NXPH1: variants seen among roughly 807,000 people sequenced by gnomAD.
NXPH1 encodes the protein neurexophilin 1.
Under a neutral mutation model 23.7 loss-of-function variants are expected in NXPH1, and 5 were observed. The observed-to-expected ratio is 0.21, with a 90% CI of 0.11 to 0.44. The LOEUF (loss-of-function observed/expected upper bound fraction) is 0.44, where lower values mean the gene tolerates loss of function less well. NXPH1 is among the 20% of genes least tolerant of loss of function. The pLI, the probability that NXPH1 is intolerant of heterozygous loss-of-function variation, is 0.99. For missense variants in NXPH1, 324 were observed against 321.6 expected (o/e 1.01, Z -0.06); for synonymous variants, 144 against 122.2 (o/e 1.18, Z -1.18).
intron 2 of NXPH1, among the ~76,000 whole-genome samples, chr7:8,508,186 C>T (rs959962740): frequency 1.3e-5 from 2 of 152,072 alleles, no homozygotes; most frequent in African/African-American, 4.8e-5. Context: ...TTAGTTGTCT[C>T]TTTACCTGTG....
At chr7:8,669,795 AC>A (rs1271687265) in intron 2 of NXPH1, among the ~76,000 whole-genome samples, 1 of 152,152 alleles carries the variant, frequency 6.6e-6, no homozygotes, top group East Asian at 1.9e-4. Context: ...TGGGTAATGT[AC>A]AACTGTCCTT....
At chr7:8,693,048 C>T (rs968786667) in intron 2 of NXPH1, among the ~76,000 whole-genome samples, 6 of 151,974 alleles carry the variant, frequency 3.9e-5, no homozygotes, top group African/African-American at 1.5e-4. Context: ...AAAAAAGAGG[C>T]AAGTGAAGGG....
chr7:8,544,942 T>G (rs1818177046), intron 2 of NXPH1, among the ~76,000 whole-genome samples: 1 of 151,620 alleles, frequency 6.6e-6, no homozygotes, highest in Non-Finnish European at 1.5e-5. Context: ...GGGAAGCTAT[T>G]TGACCACTTA....
At chr7:8,622,104 T>C (rs567181996) in intron 2 of NXPH1, among the ~76,000 whole-genome samples, 14 of 152,336 alleles carry the variant, frequency 9.2e-5, no homozygotes, top group African/African-American at 3.4e-4. Context: ...ATTTCAGGCA[T>C]TTAGAAAGCC....
intron 2 of NXPH1, among the ~76,000 whole-genome samples, chr7:8,626,953 A>G (rs1046695678): frequency 2.0e-5 from 3 of 152,106 alleles, no homozygotes; most frequent in African/African-American, 7.2e-5. Flanking sequence ...CTTTAAGCAT[A>G]AGGACAAAGA....
At chr7:8,597,295 T>G (rs1819247050) in intron 2 of NXPH1, among the ~76,000 whole-genome samples, 1 of 152,068 alleles carries the variant, frequency 6.6e-6, no homozygotes, top group South Asian at 2.1e-4. Flanking sequence ...TTTAGCTAGA[T>G]TGCTTAGTTG....
At chr7:8,745,506 G>GGT (rs1780452044) in intron 2 of NXPH1, among the ~76,000 whole-genome samples, 1 of 150,368 alleles carries the variant, frequency 6.7e-6, no homozygotes, top group African/African-American at 2.5e-5. Context: ...AGAATAATAA[G>GGT]TTTTTTTTTC....
At chr7:8,581,107 T>C (rs1437435922) in intron 2 of NXPH1, among the ~76,000 whole-genome samples, 11 of 152,178 alleles carry the variant, frequency 7.2e-5, no homozygotes, top group Non-Finnish European at 1.2e-4. Context: ...AATCCTAGAA[T>C]TTTCAGGTTT....
intron 2 of NXPH1, among the ~76,000 whole-genome samples, chr7:8,509,642 T>G (rs2128613761): frequency 6.6e-6 from 1 of 152,200 alleles, no homozygotes; most frequent in East Asian, 1.9e-4. Context: ...CAGAAGCTTG[T>G]GTTTCATCTG....
chr7:8,751,042 C>A lies in NXPH1; in HGVS notation c.89C>A (p.Ser30Ter). ...TCANLTNGGK[S>*]ELLKSGSSKS... The stretch of plus-strand genomic sequence containing the variant: ...GCCAATTTAACGAACGGTGGAAAGT[C>A]AGAACTTCTGAAATCAGGAAGCAGC... The change falls in exon 3 of 3, where the codon TCA becomes TAA. Residue 30 changes from serine (S) to a stop codon, truncating the protein, a stop_gained. Coordinates refer to ENST00000405863, the MANE Select transcript of NXPH1 (RefSeq NM_152745.3). LOFTEE classifies it high-confidence loss of function. The surrounding 1 kb of genome is among the most constrained non-coding windows in gnomAD (Gnocchi z 4.5). The A allele has an allele frequency of 6.2e-7, 1 of 1,613,722 alleles. No homozygotes were observed. Among genetic ancestry groups the A allele is most frequent in the South Asian group, 1.1e-5 (1 of 91,062 alleles).
Position 8,492,462 on chromosome 7 carries a change from G to A in NXPH1, c.54+56695G>A, listed in dbSNP as rs147446830. ...GAAACAATAATCCATTTCAGGGGAT[G>A]CTGTTTTCTGAGGAGTAAATAAGAT... On this transcript the variant is annotated intron_variant, in intron 2 of 2. Transcript: ENST00000405863. Among the ~76,000 whole-genome samples, 1,164 of 152,140 alleles carry A rather than the reference G, an allele frequency of 7.7e-3. 16 individuals carry two copies. Among genetic ancestry groups the A allele is most frequent in the African/African-American group, 0.026 (1,097 of 41,546 alleles).
intron 2 of NXPH1, among the ~76,000 whole-genome samples, chr7:8,604,913 C>T (rs957987867): frequency 6.6e-6 from 1 of 152,062 alleles, no homozygotes; most frequent in African/African-American, 2.4e-5. Flanking sequence ...CTGAGTACTT[C>T]CAAATAATTT....
intron 2 of NXPH1, among the ~76,000 whole-genome samples, chr7:8,747,655 CA>C (rs1451688963): frequency 1.3e-5 from 2 of 152,134 alleles, no homozygotes; most frequent in Admixed American, 1.3e-4. Context: ...GAAGAGGATA[CA>C]CATGTATTTG....
chr7:8,589,457 G>A (rs1819046537), intron 2 of NXPH1, among the ~76,000 whole-genome samples: 1 of 152,086 alleles, frequency 6.6e-6, no homozygotes, highest in South Asian at 2.1e-4. Context: ...TGAGAACTAT[G>A]TGGATGGAAT....
chr7:8,675,795 C>T (rs895321579), intron 2 of NXPH1, among the ~76,000 whole-genome samples: 1 of 152,144 alleles, frequency 6.6e-6, no homozygotes, highest in Non-Finnish European at 1.5e-5. Context: ...GGAGGCCTTG[C>T]ATGGACAAAT....
intron 2 of NXPH1, among the ~76,000 whole-genome samples, chr7:8,597,793 T>C (rs1463766777): frequency 6.6e-6 from 1 of 152,062 alleles, no homozygotes; most frequent in Non-Finnish European, 1.5e-5. Flanking sequence ...CCAGTCATTC[T>C]TTAGCTACTG....
chr7:8,569,566 G>C (rs1295212003), intron 2 of NXPH1, among the ~76,000 whole-genome samples: 1 of 151,792 alleles, frequency 6.6e-6, no homozygotes. Flanking sequence ...ATGTGGGAGG[G>C]CAGGAGCAGT....
chr7:8,679,554 C>T (rs1445128025), intron 2 of NXPH1, among the ~76,000 whole-genome samples: 2 of 152,158 alleles, frequency 1.3e-5, no homozygotes, highest in Non-Finnish European at 2.9e-5. Flanking sequence ...ATCTTATTGT[C>T]AATTTTCCCT....
intron 2 of NXPH1, among the ~76,000 whole-genome samples, chr7:8,541,892 C>T (rs1362318164): frequency 2.0e-5 from 3 of 151,034 alleles, no homozygotes; most frequent in Non-Finnish European, 3.0e-5. Flanking sequence ...AATGGAGTAA[C>T]AAAAATATTT....
Sources: allele counts gnomAD v4.1 joint callset (sites outside exome capture counted in the v4.1 genomes callset), GRCh38; gene constraint gnomAD v4.1.1; non-coding constraint Gnocchi (gnomAD v3.1); transcripts MANE v1.5; gene names NCBI Gene and HGNC (gene_info 2026-07-23, HGNC 2026-07-21).